MICU2: variants seen among roughly 807,000 people sequenced by gnomAD.
The protein encoded by MICU2 is mitochondrial calcium uptake 2.
A neutral mutation model predicts 60.4 loss-of-function variants in MICU2; 64 were observed. The observed-to-expected ratio is 1.06, with a 90% CI of 0.87 to 1.31. The LOEUF (loss-of-function observed/expected upper bound fraction) is 1.31. Ranked by LOEUF, MICU2 falls within the 50% of genes most tolerant of loss-of-function variation. MICU2 has a pLI of 0.00. For synonymous variants in MICU2, 201 were observed against 175.0 expected (o/e 1.15, Z -1.17); for missense variants, 569 against 531.0 (o/e 1.07, Z -0.70).
At chr13:21,601,129 G>A (rs1400562180) in intron 1 of MICU2, among the ~76,000 whole-genome samples, 1 of 152,128 alleles carries the variant, frequency 6.6e-6, no homozygotes, top group Non-Finnish European at 1.5e-5. Flanking sequence ...GGCCGCGTCA[G>A]GAAGAGTTTA....
intron 1 of MICU2, among the ~76,000 whole-genome samples, chr13:21,585,174 T>C (rs911005586): frequency 2.0e-5 from 3 of 152,306 alleles, no homozygotes; most frequent in East Asian, 3.9e-4. Flanking sequence ...GGGTATAACT[T>C]TGTCATCTCT....
chr13:21,587,206 CTT>C (rs982497616), intron 1 of MICU2, among the ~76,000 whole-genome samples: 77 of 152,116 alleles, frequency 5.1e-4, no homozygotes, highest in African/African-American at 1.9e-4. Context: ...TAAATGGACT[CTT>C]TGAGTAAAAT....
intron 2 of MICU2, among the ~76,000 whole-genome samples, chr13:21,552,974 T>C (rs974440403): frequency 6.6e-5 from 10 of 152,338 alleles, no homozygotes; most frequent in African/African-American, 2.2e-4. Context: ...AAGAAAGTCA[T>C]TGGTAGCTTG....
At chr13:21,564,496 G>A (rs559979635) in intron 2 of MICU2, among the ~76,000 whole-genome samples, 1 of 152,268 alleles carries the variant, frequency 6.6e-6, no homozygotes, top group Non-Finnish European at 1.5e-5. Flanking sequence ...GAAAAGGGAG[G>A]TACGTATTGT....
chr13:21,566,820 G>T lies in MICU2; in HGVS notation c.335C>A (p.Ser112Ter). Reference protein sequence around the residue: ...YYMTPRDFLFSVMFEQMERKT... With the variant: ...YYMTPRDFLF Reference sequence around the variant, plus strand: ...ACGTTCCATTTGCTCAAACATCACTGAGAAGAGGAAGTCTCGTGGTGTCAT... The same window carrying T: ...ACGTTCCATTTGCTCAAACATCACTTAGAAGAGGAAGTCTCGTGGTGTCAT... Residue 112 changes from serine (S) to a stop codon, truncating the protein, a stop_gained, in exon 2 of 12, where the codon TCA (serine) becomes TAA (stop). Transcript: ENST00000382374. LOFTEE classifies it high-confidence loss of function. 1.3e-6 allele frequency: 2 copies of T among 1,597,740 alleles called. No homozygotes were observed. Among genetic ancestry groups the T allele is most frequent in the Non-Finnish European group, 8.5e-7 (1 of 1,173,068 alleles).
At chr13:21,603,525 G>A in intron 1 of MICU2, 1 of 219,786 alleles carries the variant, frequency 4.5e-6, no homozygotes. Context: ...TATCCCACAG[G>A]GGTAACTGGA....
intron 1 of MICU2, among the ~76,000 whole-genome samples, chr13:21,572,304 G>T (rs1324892496): frequency 6.6e-6 from 1 of 152,190 alleles, no homozygotes; most frequent in East Asian, 1.9e-4. Context: ...CTGTTTTTCT[G>T]GAGGTTTTCA....
chr13:21,553,245 T>A (rs569396628), intron 2 of MICU2, among the ~76,000 whole-genome samples: 294 of 152,312 alleles, frequency 1.9e-3, no homozygotes, highest in Middle Eastern at 6.8e-3. Flanking sequence ...TACTGGTGTA[T>A]AAGAATGCTT....
At chr13:21,599,893 C>CT (rs1481389792) in intron 1 of MICU2, among the ~76,000 whole-genome samples, 1 of 152,158 alleles carries the variant, frequency 6.6e-6, no homozygotes, top group Non-Finnish European at 1.5e-5. Flanking sequence ...TACAACAACT[C>CT]TAATATAGTA....
intron 1 of MICU2, among the ~76,000 whole-genome samples, chr13:21,579,912 C>T (rs1023163171): frequency 6.6e-6 from 1 of 152,092 alleles, no homozygotes; most frequent in Non-Finnish European, 1.5e-5. Flanking sequence ...AGTATAACGA[C>T]GGAAACCAAA....
At chr13:21,590,710 CT>C (rs1188999707) in intron 1 of MICU2, among the ~76,000 whole-genome samples, 1 of 152,146 alleles carries the variant, frequency 6.6e-6, no homozygotes, top group African/African-American at 2.4e-5. Flanking sequence ...AAAAAATTAG[CT>C]AGGTGTGGTG....
chr13:21,563,691 G>T (rs1355518905), intron 2 of MICU2, among the ~76,000 whole-genome samples: 1 of 151,660 alleles, frequency 6.6e-6, no homozygotes, highest in African/African-American at 2.4e-5. Flanking sequence ...TGAATATTCT[G>T]TTTTTCTCAG....
chr13:21,545,287 A>T (rs990181141), intron 2 of MICU2, among the ~76,000 whole-genome samples: 18 of 152,376 alleles, frequency 1.2e-4, no homozygotes, highest in Admixed American at 1.0e-3. Flanking sequence ...AGTCATTAAC[A>T]GCAACATGGA....
intron 1 of MICU2, among the ~76,000 whole-genome samples, chr13:21,599,358 T>C (rs1376795373): frequency 6.6e-6 from 1 of 152,354 alleles, no homozygotes; most frequent in Admixed American, 6.5e-5. Flanking sequence ...TATAGCAGAA[T>C]GGACTGGAAC....
chr13:21,596,596 G>A (rs998918938), intron 1 of MICU2, among the ~76,000 whole-genome samples: 2 of 151,862 alleles, frequency 1.3e-5, no homozygotes, highest in African/African-American at 4.8e-5. Context: ...GCTAATTTTT[G>A]TATTTTTGGT....
At chr13:21,556,925 TCC>T (rs1429786479) in intron 2 of MICU2, among the ~76,000 whole-genome samples, 2 of 152,084 alleles carry the variant, frequency 1.3e-5, no homozygotes, top group Non-Finnish European at 2.9e-5. Context: ...AATTAGTGGC[TCC>T]GATCTGCACA....
chr13:21,544,532 A>AAAC (rs1555273321), intron 2 of MICU2, among the ~76,000 whole-genome samples: 1,724 of 132,558 alleles, frequency 0.013, 56 homozygotes, highest in African/African-American at 0.026. Flanking sequence ...AAAAAAAAAA[A>AAAC]AACTCAATAC....
In MICU2 at chr13:21,567,099, C is replaced by T. The variant is rs527520655; in HGVS notation, c.211-155G>A. Among the ~76,000 whole-genome samples the T allele has an allele frequency of 5.9e-5, 9 of 152,162 alleles. No individual in the cohort carries two copies. In the South Asian group the frequency reaches 1.2e-3, roughly 21 times the overall value. ...ACAAATATTAACTGAGTGCCTACTT[C>T]GCACTGAAGATACAATAGTGAATAA... On this transcript the variant is annotated intron_variant, in intron 1 of 11. Transcript: ENST00000382374.
intron 7 of MICU2, among the ~76,000 whole-genome samples, chr13:21,513,507 G>A (rs944004048): frequency 1.9e-4 from 29 of 152,030 alleles, no homozygotes; most frequent in Admixed American, 1.9e-3. Flanking sequence ...GGAGGCCGAA[G>A]CGGGCGGATC....
Sources: gnomAD v4.1 joint callset for allele counts (sites outside exome capture counted in the v4.1 genomes callset) on GRCh38, gnomAD v4.1.1 for gene constraint, MANE v1.5 for transcripts, NCBI Gene and HGNC (gene_info 2026-07-23, HGNC 2026-07-21) for gene names.